The following MDN1 variants were observed in gnomAD, a reference collection of about 807,000 sequenced individuals.
MDN1 encodes the protein midasin AAA ATPase 1.
Under a neutral mutation model 669.2 loss-of-function variants are expected in MDN1, and 266 were observed. The observed-to-expected ratio is 0.40, with a 90% CI of 0.36 to 0.44. The LOEUF (loss-of-function observed/expected upper bound fraction) is 0.44, where lower values mean the gene tolerates loss of function less well. Among genes scored for constraint, MDN1 ranks in the 20% least tolerant of loss-of-function variants. The probability of loss-of-function intolerance (pLI) is 1.00; values close to 1 mark genes in which losing one functional copy is unlikely to be tolerated. For missense variants in MDN1, 5,940 were observed against 6,754.0 expected (o/e 0.88, Z 4.22); for synonymous variants, 2,385 against 2,457.1 (o/e 0.97, Z 0.87).
chr6:89,787,882 G>T lies in MDN1; in HGVS notation c.1306C>A (p.Pro436Thr). 1 of 1,613,454 alleles carries T rather than the reference G, an allele frequency of 6.2e-7. No homozygotes were observed. The highest frequency in any genetic ancestry group is 8.5e-7 in the Non-Finnish European group (1 of 1,179,970). ...CTGGTTGCAAAAAACTGAAATCCAG[G>T]TGCCACTTTCAGACAGTCACCTCGG... The part of the protein sequence containing the change: ...PGRGDCLKVA[P>T]GFQFFATRRL... The change falls in exon 8 of 102, where the codon CCT (proline) becomes ACT (threonine). Residue 436 changes from proline to threonine, a missense_variant. Transcript: ENST00000369393.
rs575811634 is a variant in MDN1 at position 89,719,119 on chromosome 6, T to G, written c.6057+17A>C. On this transcript the variant is annotated intron_variant, in intron 41 of 101. Transcript: ENST00000369393. ...TAAAAAATGTCAAAGGATAGAGGAT[T>G]ATCCTAGTCTCCTTACCTGAACATC... 6.2e-7 allele frequency: 1 copy of G among 1,611,770 alleles called. No homozygotes were observed. The highest frequency in any genetic ancestry group is 1.3e-5 in the African/African-American group (1 of 74,990).
intron 15 of MDN1, among the ~76,000 whole-genome samples, chr6:89,770,569 A>G: frequency 6.6e-6 from 1 of 152,162 alleles, no homozygotes; most frequent in Non-Finnish European, 1.5e-5. Context: ...CAGTGGCACA[A>G]TCTCGGCTAA....
chr6:89,670,156 ATATATATATATATATTT>A (rs1435065874), intron 83 of MDN1, among the ~76,000 whole-genome samples: 2,748 of 26,438 alleles, frequency 0.1, 126 homozygotes, highest in East Asian at 0.37. Flanking sequence ...ATATATATAT[ATATATATATATATATTT>A]TTTTTTTTTT....
rs778232212 is a variant in MDN1 at position 89,803,893 on chromosome 6, T to TC, written c.103-340_103-339insG. On this transcript the variant is annotated intron_variant, in intron 1 of 101. Transcript: ENST00000369393. ...ACCGCGCCCGGCCTTTTCTTTTCTT[T>TC]TCTTTTTTTTTTTTTTTTTTTTTTT... Among the ~76,000 whole-genome samples, 13 of 99,626 alleles carry TC rather than the reference T, an allele frequency of 1.3e-4. 1 individual carries two copies. The highest frequency in any genetic ancestry group is 3.1e-4 in the African/African-American group (9 of 29,072). The allele number at this position is 99,626 out of a possible 152,430, so 65.4% of individuals were successfully genotyped here.
intron 34 of MDN1, among the ~76,000 whole-genome samples, chr6:89,731,759 A>G (rs1240414517): frequency 6.6e-6 from 1 of 151,924 alleles, no homozygotes; most frequent in East Asian, 1.9e-4. Context: ...TTCTCTTCAA[A>G]TAATCTGATC....
Position 89,678,531 on chromosome 6 carries a change from C to G in MDN1, c.12412+68G>C, listed in dbSNP as rs183381861. 1.0e-5 allele frequency: 16 copies of G among 1,544,538 alleles called. No homozygotes were observed. In the African/African-American group the frequency reaches 2.2e-4, roughly 21 times the overall value. ...CTGTCTATGGAATTTCCCCCAAAAT[C>G]AGTCATGTCATTTCTCTCCCTAAAA... On this transcript the variant is annotated intron_variant, in intron 75 of 101. Transcript: ENST00000369393.
intron 74 of MDN1, among the ~76,000 whole-genome samples, chr6:89,679,143 A>AG: frequency 6.6e-6 from 1 of 152,230 alleles, no homozygotes; most frequent in Non-Finnish European, 1.5e-5. Context: ...ATATGTATTG[A>AG]GTTTCCACTT....
chr6:89,738,955 C>T (rs1445872403), intron 32 of MDN1, among the ~76,000 whole-genome samples: 4 of 152,220 alleles, frequency 2.6e-5, no homozygotes, highest in Non-Finnish European at 5.9e-5. Context: ...TTTAGCCACT[C>T]CAGTCTTAGG....
intron 15 of MDN1, among the ~76,000 whole-genome samples, chr6:89,768,058 T>C (rs1268775195): frequency 3.3e-5 from 5 of 151,884 alleles, no homozygotes; most frequent in Non-Finnish European, 7.4e-5. Context: ...CAAAAATAAT[T>C]TTTAAAAGTT....
intron 53 of MDN1, among the ~76,000 whole-genome samples, chr6:89,703,324 T>C (rs1813284727): frequency 7.0e-6 from 1 of 142,460 alleles, no homozygotes; most frequent in South Asian, 2.5e-4. Context: ...TACCTTTGCA[T>C]ATTTAACAAA....
Position 89,781,538 on chromosome 6 carries a change from T to C in MDN1, c.1504A>G (p.Ile502Val), listed in dbSNP as rs547234964. The change falls in exon 10 of 102, where the codon ATT becomes GTT. Residue 502 changes from isoleucine (I) to valine (V), a missense_variant. Transcript: ENST00000369393. Reference sequence around the variant, plus strand: ...TTCTCTCCAGTAAGTTGGATATAAATGTCAAGCAGGTGATCAACCACTGCC... The same window carrying C: ...TTCTCTCCAGTAAGTTGGATATAAACGTCAAGCAGGTGATCAACCACTGCC... Reference protein sequence around the residue: ...LLAVVDHLLDIYIQLTGEKHH... With the variant: ...LLAVVDHLLDVYIQLTGEKHH... 213 of 1,613,684 alleles carry C rather than the reference T, an allele frequency of 1.3e-4. No homozygotes were observed. The South Asian group carries it at 2.2e-3, about 17-fold the overall frequency.
Position 89,707,450 on chromosome 6 carries a change from T to A in MDN1, c.7925A>T (p.Lys2642Ile). Residue 2642 changes from lysine (K) to isoleucine (I), a missense_variant, in exon 52 of 102, where the codon AAA (lysine) becomes ATA (isoleucine). Lys to Ile is a moderately radical substitution (Grantham distance 102). Around this residue, in one of 5 missense-constraint regions of MDN1, gnomAD observed 2,292 missense variants for 2,638.3 expected, o/e 0.87. Transcript: ENST00000369393. The part of the protein sequence containing the change: ...NKTIIYLDRE[K>I]RVFTEANLVS... The stretch of plus-strand genomic sequence containing the variant: ...CAAATTTGCTTCAGTAAAAACCCGT[T>A]TTTCCCGGTCAAGATATATGATTGT... The A allele has an allele frequency of 6.2e-7, 1 of 1,613,306 alleles. No individual in the cohort carries two copies. The highest frequency in any genetic ancestry group is 8.5e-7 in the Non-Finnish European group (1 of 1,179,288).
Position 89,661,720 on chromosome 6 carries a change from G to T in MDN1, c.14566-142C>A, listed in dbSNP as rs527850969. On this transcript the variant is annotated intron_variant, in intron 87 of 101. Transcript: ENST00000369393. ...TCCCTAAAATTATCTGCACACATTA[G>T]TATTTTATTTTTAGACCTTTCATGT... 49 of 862,530 alleles carry T rather than the reference G, an allele frequency of 5.7e-5. No individual in the cohort carries two copies. The South Asian group carries it at 9.7e-4, about 17-fold the overall frequency. 53.4% of individuals were successfully genotyped at this position (862,530 alleles called of 1,614,324 possible).
intron 20 of MDN1, among the ~76,000 whole-genome samples, chr6:89,755,354 C>T (rs917581322): frequency 1.5e-4 from 20 of 135,580 alleles, no homozygotes; most frequent in African/African-American, 1.4e-4. Context: ...GACCAGCCTG[C>T]ACAACAAAGC....
In MDN1 at chr6:89,655,878, T is replaced by C. The variant is rs1392888731; in HGVS notation, c.15376A>G (p.Thr5126Ala). 1.9e-6 allele frequency: 3 copies of C among 1,614,166 alleles called. No homozygotes were observed. In the South Asian group the frequency reaches 3.3e-5, roughly 18 times the overall value. ...RVHKRLRTVDTDSHAEQGPAQ... is the reference protein window; with the variant it reads ...RVHKRLRTVDADSHAEQGPAQ... ...GGCCCCTGCTCGGCATGGCTGTCCGTATCCACAGTCCTCAGCCTCTTGTGC... is the reference window on the plus strand; with the variant it reads ...GGCCCCTGCTCGGCATGGCTGTCCGCATCCACAGTCCTCAGCCTCTTGTGC... Residue 5126 changes from threonine (T) to alanine (A), a missense_variant, in exon 92 of 102, where the codon ACG (threonine) becomes GCG (alanine). By Grantham distance (58) the Thr-to-Ala change is moderately conservative (BLOSUM62 0). Around this residue, in one of 5 missense-constraint regions of MDN1, gnomAD observed 2,280 missense variants for 2,576.3 expected, o/e 0.88. Transcript: ENST00000369393.
Position 89,662,068 on chromosome 6 carries a change from A to T in MDN1, c.14565+19T>A, listed in dbSNP as rs774831233. The T allele has an allele frequency of 6.2e-7, 1 of 1,605,774 alleles. No individual in the cohort carries two copies. Among genetic ancestry groups the T allele is most frequent in the Non-Finnish European group, 8.5e-7 (1 of 1,177,014 alleles). On this transcript the variant is annotated intron_variant, in intron 87 of 101. Transcript: ENST00000369393. ...TGGCCTTGAGTCAAGAGAGCGGATC[A>T]GTTTCAAATCTTCATTACCTCATCT...
At chr6:89,691,962 C>T (rs554509014) in intron 63 of MDN1, among the ~76,000 whole-genome samples, 2 of 152,158 alleles carry the variant, frequency 1.3e-5, no homozygotes, top group African/African-American at 2.4e-5. Context: ...CACAGACATA[C>T]AGCTACAGAT....
chr6:89,783,217 C>G (rs1818772813), intron 9 of MDN1, among the ~76,000 whole-genome samples: 1 of 152,088 alleles, frequency 6.6e-6, no homozygotes, highest in Non-Finnish European at 1.5e-5. Flanking sequence ...GAAGATATTG[C>G]CAAATTCTTT....
rs115598643 is a variant in MDN1, at chr6:89,781,432, C to T, written c.1610G>A (p.Arg537Lys). The T allele has an allele frequency of 6.2e-7, 1 of 1,614,122 alleles. No individual in the cohort carries two copies. Among genetic ancestry groups the T allele is most frequent in the Non-Finnish European group, 8.5e-7 (1 of 1,180,002 alleles). ...EVSEARRENK[R>K]PTLEGRELSL... Reference sequence around the variant, plus strand: ...TAATTCTCTTCCCTCAAGGGTTGGTCTTTTGTTTTCTCTTCTGGCTTCTGA... The same window carrying T: ...TAATTCTCTTCCCTCAAGGGTTGGTTTTTTGTTTTCTCTTCTGGCTTCTGA... Residue 537 changes from arginine to lysine, a missense_variant, in exon 10 of 102, where the codon AGA (arginine) becomes AAA (lysine). Physicochemically the swap from Arg to Lys is conservative, Grantham distance 26. Coordinates refer to ENST00000369393, the MANE Select transcript of MDN1 (RefSeq NM_014611.3).
Sources: allele counts gnomAD v4.1 joint callset (sites outside exome capture counted in the v4.1 genomes callset), GRCh38; gene constraint gnomAD v4.1.1; regional missense constraint gnomAD v4.1.1; transcripts MANE v1.5; gene names NCBI Gene and HGNC (gene_info 2026-07-23, HGNC 2026-07-21).